The following CUX1 variants were observed in gnomAD, a reference collection of about 807,000 sequenced individuals.
CUX1 encodes protein CASP.
Under a neutral mutation model 158.8 loss-of-function variants are expected in CUX1, and 31 were observed. That is an observed-to-expected ratio of 0.20 (90% CI 0.15 to 0.26). The LOEUF (loss-of-function observed/expected upper bound fraction) is 0.26, where lower values mean the gene tolerates loss of function less well. Among genes scored for constraint, CUX1 ranks in the 10% least tolerant of loss-of-function variants. CUX1 has a pLI of 1.00. For missense variants in CUX1, 1,589 were observed against 2,014.6 expected, an observed-to-expected ratio of 0.79 and a Z score of 4.04; for synonymous variants, 879 against 862.1, an observed-to-expected ratio of 1.02 and a Z score of -0.34.
chr7:101,865,991 C>T (rs1379945861), intron 1 of CUX1, among the ~76,000 whole-genome samples: 1 of 152,184 alleles, frequency 6.6e-6, no homozygotes, highest in Admixed American at 6.5e-5. Flanking sequence ...ATATGGGACC[C>T]TTTATTGCAG....
intron 1 of CUX1, among the ~76,000 whole-genome samples, chr7:101,906,004 T>C (rs1157284131): frequency 6.6e-6 from 1 of 151,814 alleles, no homozygotes; most frequent in Non-Finnish European, 1.5e-5. Context: ...TTTTTTTTTT[T>C]CTGGAGAGAC....
intron 1 of CUX1, among the ~76,000 whole-genome samples, chr7:101,856,259 C>G (rs1440423810): frequency 6.7e-6 from 1 of 149,802 alleles, no homozygotes; most frequent in Non-Finnish European, 1.5e-5. Context: ...TGCAGTAAAG[C>G]ACAAGTTTTC....
intron 1 of CUX1, among the ~76,000 whole-genome samples, chr7:101,906,484 T>C (rs923101877): frequency 1.3e-5 from 2 of 151,874 alleles, no homozygotes; most frequent in African/African-American, 2.4e-5. Flanking sequence ...TAGGGGAACG[T>C]CAGCATGCCA....
intron 1 of CUX1, among the ~76,000 whole-genome samples, chr7:101,905,014 T>C (rs537317451): frequency 6.6e-6 from 1 of 152,320 alleles, no homozygotes; most frequent in African/African-American, 2.4e-5. Flanking sequence ...CTCTATGAAG[T>C]ATGTATCAGA....
At chr7:102,072,465 G>T (rs1826238485) in intron 4 of CUX1, among the ~76,000 whole-genome samples, 1 of 152,204 alleles carries the variant, frequency 6.6e-6, no homozygotes, top group Non-Finnish European at 1.5e-5. Flanking sequence ...CGAAGACTTG[G>T]CCCTGCAATC....
intron 4 of CUX1, among the ~76,000 whole-genome samples, chr7:102,077,036 T>TAAAAAAA (rs34277145): frequency 7.8e-6 from 1 of 127,790 alleles, no homozygotes; most frequent in Non-Finnish European, 1.6e-5. Flanking sequence ...CCTGTCAAAT[T>TAAAAAAA]AAAAAAAAAA....
chr7:102,144,248 G>A (rs1554501231), intron 8 of CUX1, among the ~76,000 whole-genome samples: 1 of 152,164 alleles, frequency 6.6e-6, no homozygotes, highest in African/African-American at 2.4e-5. Flanking sequence ...TACAATTAAT[G>A]AGTGACGATG....
intron 1 of CUX1, among the ~76,000 whole-genome samples, chr7:101,823,858 T>A (rs573178228): frequency 1.1e-3 from 173 of 152,294 alleles, no homozygotes; most frequent in Non-Finnish European, 2.1e-3. Flanking sequence ...TTTATCTGGG[T>A]GTTGACAGCT....
chr7:101,871,822 A>AAGTTGGTGAAAC (rs755346672), intron 1 of CUX1, among the ~76,000 whole-genome samples: 54 of 152,220 alleles, frequency 3.5e-4, no homozygotes, highest in Non-Finnish European at 6.8e-4. Context: ...GTTCAAGACC[A>AAGTTGGTGAAAC]CCCTGGCCAA....
intron 1 of CUX1, among the ~76,000 whole-genome samples, chr7:101,821,685 T>TTTTC (rs1412252814): frequency 1.5e-4 from 18 of 116,396 alleles, no homozygotes; most frequent in African/African-American, 5.6e-4. Flanking sequence ...TTTTTTTTTT[T>TTTTC]TTTTTTTTTT....
intron 20 of CUX1, chr7:102,281,822 C>T (rs1034571362): frequency 6.3e-7 from 1 of 1,586,378 alleles, no homozygotes; most frequent in Non-Finnish European, 8.7e-7. Context: ...TCCCCACTCA[C>T]CCCCTCCTTG....
chr7:102,166,571 A>G (rs365836), intron 9 of CUX1, among the ~76,000 whole-genome samples: 47,799 of 152,024 alleles, frequency 0.31, 8,431 homozygotes, highest in African/African-American at 0.47. Context: ...GTGTCACCAC[A>G]CGCCGACCCG....
At chr7:101,958,965 C>T (rs1046853587) in intron 2 of CUX1, among the ~76,000 whole-genome samples, 4 of 150,654 alleles carry the variant, frequency 2.7e-5, no homozygotes, top group African/African-American at 9.8e-5. Flanking sequence ...AGCAATCCTC[C>T]CACCTCAGCC....
At chr7:102,229,870 C>A (rs1221096151) in intron 21 of CUX1, among the ~76,000 whole-genome samples, 4 of 152,116 alleles carry the variant, frequency 2.6e-5, no homozygotes, top group African/African-American at 4.8e-5. Context: ...GATCCACCCA[C>A]CTTGGCCTCC....
chr7:102,248,667 G>C lies in CUX1; in HGVS notation c.4143G>C (p.Pro1381=). 7.5e-7 allele frequency: 1 copy of C among 1,325,650 alleles called. No homozygotes were observed. The highest frequency in any genetic ancestry group is 1.6e-5 in the South Asian group (1 of 62,522). 82.1% of individuals were successfully genotyped at this position (1,325,650 alleles called of 1,614,324 possible). A position where few individuals can be genotyped will look rare whatever the true frequency, so the allele number is the denominator to read the frequency against. ...EQTEPPPSGT[P]GPDDARDDDH... The stretch of plus-strand genomic sequence containing the variant: ...CGGAGCCGCCGCCCTCGGGGACCCC[G>C]GGCCCGGACGACGCCCGCGACGACG... Residue 1381 remains proline (P), a synonymous_variant, in exon 24 of 24, where the codon CCG becomes CCC. Transcript: ENST00000292535. The surrounding 1 kb of genome is among the most constrained non-coding windows in gnomAD (Gnocchi z 5.8).
rs955982428 is a variant in CUX1 at position 101,916,329 on chromosome 7, G to A, written c.141+104G>A. ...TTTCATTTTCATCAGATGAACGCAC[G>A]GCCGGCAAACAACCCGTTTCTTTCC... On this transcript the variant is annotated intron_variant, in intron 2 of 23. Transcript: ENST00000292535. This position sits in a 1 kb window ranked among gnomAD's most constrained non-coding sequence, Gnocchi z 4.4. 3.2e-5 allele frequency: 24 copies of A among 745,884 alleles called. No homozygotes were observed. The highest frequency in any genetic ancestry group is 5.9e-5 in the South Asian group (4 of 68,232). 46.2% of individuals were successfully genotyped at this position (745,884 alleles called of 1,614,324 possible). A position where few individuals can be genotyped will look rare whatever the true frequency, so the allele number is the denominator to read the frequency against.
intron 2 of CUX1, among the ~76,000 whole-genome samples, chr7:101,940,985 T>A (rs1807636011): frequency 6.6e-6 from 1 of 152,216 alleles, no homozygotes; most frequent in African/African-American, 2.4e-5. Context: ...TCTCTTGTAG[T>A]GAAGAGCTCC....
chr7:101,946,540 G>A lies in CUX1; in HGVS notation c.141+30315G>A, dbSNP rs571233560. Reference sequence around the variant, plus strand: ...GTCTGTGTGACAAGAGCGAGACTCCGTCTCAAAAAAAAAAAAAAAAAAAAA... The same window carrying A: ...GTCTGTGTGACAAGAGCGAGACTCCATCTCAAAAAAAAAAAAAAAAAAAAA... On this transcript the variant is annotated intron_variant, in intron 2 of 23. Coordinates refer to ENST00000292535, the MANE Select transcript of CUX1 (RefSeq NM_181552.4). 3.6e-4 allele frequency among the ~76,000 whole-genome samples: 33 copies of A among 92,126 alleles called. No individual in the cohort carries two copies. The East Asian group carries it at 8.3e-3, about 23-fold the overall frequency. The allele number at this position is 92,126 out of a possible 152,430, so 60.4% of individuals were successfully genotyped here.
intron 8 of CUX1, among the ~76,000 whole-genome samples, chr7:102,156,339 G>A (rs1219308302): frequency 2.0e-5 from 3 of 152,116 alleles, no homozygotes; most frequent in Admixed American, 2.0e-4. Flanking sequence ...GGCTCCTGGC[G>A]AGGGCTTCCA....
Sources: allele counts gnomAD v4.1 joint callset (sites outside exome capture counted in the v4.1 genomes callset), GRCh38; gene constraint gnomAD v4.1.1; non-coding constraint Gnocchi (gnomAD v3.1); transcripts MANE v1.5; gene names NCBI Gene and HGNC (gene_info 2026-07-23, HGNC 2026-07-21).